OPCML: variants seen among roughly 807,000 people sequenced by gnomAD.
OPCML encodes the protein opioid binding protein/cell adhesion molecule like, also known as opioid-binding protein/cell adhesion molecule.
In OPCML, 13 loss-of-function variants were observed where a neutral mutation model predicts 37.8. The ratio of observed to expected loss-of-function variants is 0.34; its 90% CI spans 0.22 to 0.55. The LOEUF is 0.55. Among genes scored for constraint, OPCML ranks in the 20% least tolerant of loss-of-function variants. The probability of loss-of-function intolerance (pLI) is 0.91; values close to 1 mark genes in which losing one functional copy is unlikely to be tolerated. For missense variants in OPCML, 341 were observed against 435.6 expected, an observed-to-expected ratio of 0.78 and a Z score of 1.93; for synonymous variants, 176 against 168.8, an observed-to-expected ratio of 1.04 and a Z score of -0.33.
chr11:132,613,709 G>A (rs576630594), intron 3 of OPCML, among the ~76,000 whole-genome samples: 11 of 152,284 alleles, frequency 7.2e-5, no homozygotes, highest in Non-Finnish European at 1.3e-4. Flanking sequence ...ACTGAATTTA[G>A]AGAACAGACA....
chr11:133,306,966 T>C (rs1327124647), intron 1 of OPCML, among the ~76,000 whole-genome samples: 16 of 152,204 alleles, frequency 1.1e-4, no homozygotes, highest in Admixed American at 9.8e-4. Flanking sequence ...GGTTAGTAGA[T>C]AACCCTGTAC....
At position 133,449,629 on chromosome 11, in the gene OPCML, T is replaced by C. The variant is rs187746852; in HGVS notation, c.61+82635A>G. Among the ~76,000 whole-genome samples, 422 of 148,410 alleles carry C rather than the reference T, an allele frequency of 2.8e-3. 3 individuals carry two copies. Among genetic ancestry groups the C allele is most frequent in the Non-Finnish European group, 5.0e-3 (338 of 68,020 alleles). On this transcript the variant is annotated intron_variant, in intron 1 of 7. Coordinates refer to ENST00000524381, the MANE Select transcript of OPCML (RefSeq NM_001012393.5). ...GTGGCTCCTGACATTCCTTCGCTTG[T>C]AGCGGCATCACTCCAGTCTCTATCT...
intron 1 of OPCML, among the ~76,000 whole-genome samples, chr11:133,232,304 A>T (rs1008727430): frequency 6.6e-6 from 1 of 152,244 alleles, no homozygotes; most frequent in Non-Finnish European, 1.5e-5. Flanking sequence ...GAAAGCGCAG[A>T]GTTTAGACTG....
At chr11:132,550,733 C>T (rs1483411625) in intron 3 of OPCML, among the ~76,000 whole-genome samples, 1 of 152,150 alleles carries the variant, frequency 6.6e-6, no homozygotes, top group Non-Finnish European at 1.5e-5. Flanking sequence ...CGGTTTTCAC[C>T]CACTACTGCC....
At chr11:132,930,551 T>C (rs954508036) in intron 2 of OPCML, among the ~76,000 whole-genome samples, 6 of 151,952 alleles carry the variant, frequency 3.9e-5, no homozygotes, top group Non-Finnish European at 8.8e-5. Flanking sequence ...AAAAAATCAA[T>C]TGCATTTCTA....
intron 1 of OPCML, among the ~76,000 whole-genome samples, chr11:133,404,059 G>C (rs1057294374): frequency 6.6e-6 from 1 of 152,222 alleles, no homozygotes; most frequent in Non-Finnish European, 1.5e-5. Flanking sequence ...TAGAGGCCCG[G>C]AGGGAGAACC....
chr11:133,409,012 G>T (rs1945587860), intron 1 of OPCML, among the ~76,000 whole-genome samples: 1 of 152,182 alleles, frequency 6.6e-6, no homozygotes, highest in Admixed American at 6.5e-5. Flanking sequence ...CTTCCTGGGT[G>T]TCTCTGGACA....
At chr11:132,500,616 T>C (rs1435840742) in intron 4 of OPCML, among the ~76,000 whole-genome samples, 1 of 152,208 alleles carries the variant, frequency 6.6e-6, no homozygotes, top group Non-Finnish European at 1.5e-5. Flanking sequence ...AGGTGCAGAT[T>C]TGTTACATAG....
intron 1 of OPCML, among the ~76,000 whole-genome samples, chr11:133,264,913 G>A (rs1941609888): frequency 6.6e-6 from 1 of 152,198 alleles, no homozygotes; most frequent in Non-Finnish European, 1.5e-5. Flanking sequence ...ATGTGTTAGA[G>A]TTCTTCTACC....
intron 2 of OPCML, among the ~76,000 whole-genome samples, chr11:132,715,858 A>G (rs1459914633): frequency 6.6e-6 from 1 of 152,142 alleles, no homozygotes; most frequent in African/African-American, 2.4e-5. Flanking sequence ...AATGATACCT[A>G]CCTTACAAAT....
In OPCML at chr11:132,415,149, G is replaced by A. The variant is rs542618595; in HGVS notation, c.*5044C>T. 2.6e-5 allele frequency: 4 copies of A among 151,514 alleles called. No homozygotes were observed. In the East Asian group the frequency reaches 7.7e-4, roughly 29 times the overall value. The allele number at this position is 151,514 out of a possible 1,614,324, so 9.4% of individuals were successfully genotyped here. A position where few individuals can be genotyped will look rare whatever the true frequency, so the allele number is the denominator to read the frequency against. On this transcript the variant is annotated 3_prime_UTR_variant, in exon 8 of 8. Coordinates refer to ENST00000524381, the MANE Select transcript of OPCML (RefSeq NM_001012393.5). The stretch of plus-strand genomic sequence containing the variant: ...ATCAAGTCTTCATTGATTTTTTGAA[G>A]GAAAAAATACGAAAGAAAATAAAAG...
chr11:133,474,515 G>A (rs149451345), intron 1 of OPCML, among the ~76,000 whole-genome samples: 186 of 152,314 alleles, frequency 1.2e-3, no homozygotes, highest in East Asian at 4.6e-3. Context: ...AGAAATAGAC[G>A]AGTTTCCTGA....
At chr11:133,125,553 G>GAT (rs376897767) in intron 1 of OPCML, among the ~76,000 whole-genome samples, 101 of 143,086 alleles carry the variant, frequency 7.1e-4, no homozygotes, top group African/African-American at 3.6e-4. Flanking sequence ...AAACTAATAG[G>GAT]ATATATATAT....
chr11:132,731,526 C>A (rs1374237167), intron 2 of OPCML, among the ~76,000 whole-genome samples: 2 of 152,180 alleles, frequency 1.3e-5, no homozygotes, highest in African/African-American at 4.8e-5. Flanking sequence ...TATGTTAACT[C>A]ATCCACTAAA....
chr11:132,727,504 C>A lies in OPCML; in HGVS notation c.147-70185G>T, dbSNP rs1944928282. ...AGCCATGGGCCTTTCCTGTGTGCTG[C>A]ATAAACGGAAGCCCCAGCTGCTCTC... is the stretch of plus-strand genomic sequence containing the variant. On this transcript the variant is annotated intron_variant, in intron 2 of 7. Coordinates refer to ENST00000524381, the MANE Select transcript of OPCML (RefSeq NM_001012393.5). 3.9e-5 allele frequency among the ~76,000 whole-genome samples: 6 copies of A among 152,304 alleles called. No individual in the cohort carries two copies. The South Asian group carries it at 1.2e-3, about 32-fold the overall frequency.
chr11:133,370,404 C>A (rs1944646262), intron 1 of OPCML, among the ~76,000 whole-genome samples: 1 of 148,918 alleles, frequency 6.7e-6, no homozygotes, highest in African/African-American at 2.5e-5. Flanking sequence ...ATACAAAAAT[C>A]AGCAGCATTT....
At chr11:132,431,485 G>A (rs762435899) in intron 7 of OPCML, among the ~76,000 whole-genome samples, 7 of 152,314 alleles carry the variant, frequency 4.6e-5, no homozygotes, top group East Asian at 1.9e-4. Flanking sequence ...GTGAGTTGGC[G>A]CTCTGCCTAG....
chr11:133,298,870 A>G (rs1316319367), intron 1 of OPCML: 2 of 152,134 alleles, frequency 1.3e-5, no homozygotes, highest in Admixed American at 6.6e-5. Flanking sequence ...GTCATAAAAC[A>G]AGATATGCGC....
At chr11:133,377,184 T>C (rs1305961200) in intron 1 of OPCML, among the ~76,000 whole-genome samples, 2 of 152,012 alleles carry the variant, frequency 1.3e-5, no homozygotes, top group Non-Finnish European at 2.9e-5. Flanking sequence ...GGGTGAGATT[T>C]GGGTAGAGAA....
Sources: allele counts gnomAD v4.1 joint callset (sites outside exome capture counted in the v4.1 genomes callset), GRCh38; gene constraint gnomAD v4.1.1; transcripts MANE v1.5; gene names NCBI Gene and HGNC (gene_info 2026-07-23, HGNC 2026-07-21).